The following KIF26B variants were observed in gnomAD, a reference collection of about 807,000 sequenced individuals.
The protein encoded by KIF26B is kinesin family member 26B, also known as kinesin-like protein KIF26B.
In KIF26B, 63 loss-of-function variants were observed where a neutral mutation model predicts 151.2. The observed-to-expected ratio is 0.42, with a 90% CI of 0.34 to 0.51. The LOEUF (loss-of-function observed/expected upper bound fraction) is 0.51. Ranked by LOEUF, KIF26B falls within the 20% of genes least tolerant of loss-of-function variation. The probability of loss-of-function intolerance (pLI) is 0.07; values close to 1 mark genes in which losing one functional copy is unlikely to be tolerated. For missense variants in KIF26B, 2,813 were observed against 2,913.6 expected (o/e 0.97, Z 0.79); for synonymous variants, 1,357 against 1,262.1 (o/e 1.08, Z -1.59).
Position 245,619,126 on chromosome 1 carries a change from C to T in KIF26B, c.2098+7150C>T, listed in dbSNP as rs925091644. ...CACAGTGCTGGGGCTGTGTCTGCTGCGTGCTGTTGGTGAGCTTGTCCAAGC... is the reference window on the plus strand; with the variant it reads ...CACAGTGCTGGGGCTGTGTCTGCTGTGTGCTGTTGGTGAGCTTGTCCAAGC... On this transcript the variant is annotated intron_variant, in intron 9 of 14. Transcript: ENST00000407071. Among the ~76,000 whole-genome samples the T allele has an allele frequency of 3.6e-5, 5 of 139,136 alleles. No individual in the cohort carries two copies. In the Admixed American group the frequency reaches 3.7e-4, roughly 10 times the overall value. The allele number at this position is 139,136 out of a possible 152,430, so 91.3% of individuals were successfully genotyped here. A position where few individuals can be genotyped will look rare whatever the true frequency, so the allele number is the denominator to read the frequency against.
At position 245,375,255 on chromosome 1, in the gene KIF26B, T is replaced by G. The variant is rs1673246295; in HGVS notation, c.999+7888T>G. On this transcript the variant is annotated intron_variant, in intron 3 of 14. Coordinates refer to ENST00000407071, the MANE Select transcript of KIF26B (RefSeq NM_018012.4). This position sits in a 1 kb window ranked among gnomAD's most constrained non-coding sequence, Gnocchi z 4.2. ...CCATGTCCGGCTAATTTTTGTATTT[T>G]TAGTAGAGATGAGGTTTCACCATGT... is the stretch of plus-strand genomic sequence containing the variant. 6.6e-6 allele frequency among the ~76,000 whole-genome samples: 1 copy of G among 152,102 alleles called. No homozygotes were observed. Among genetic ancestry groups the G allele is most frequent in the East Asian group, 1.9e-4 (1 of 5,184 alleles).
chr1:245,192,045 A>G (rs1669118932), intron 2 of KIF26B, among the ~76,000 whole-genome samples: 1 of 152,176 alleles, frequency 6.6e-6, no homozygotes, highest in South Asian at 2.1e-4. Flanking sequence ...CTGGGAATCT[A>G]TCTTAAGGGG....
intron 4 of KIF26B, among the ~76,000 whole-genome samples, chr1:245,532,180 G>T (rs959405522): frequency 6.6e-6 from 1 of 151,824 alleles, no homozygotes; most frequent in African/African-American, 2.4e-5. Context: ...CACTGATGAG[G>T]GCAACTTCTA....
At chr1:245,201,922 G>C (rs149282706) in intron 2 of KIF26B, among the ~76,000 whole-genome samples, 40 of 152,288 alleles carry the variant, frequency 2.6e-4, no homozygotes, top group African/African-American at 9.4e-4. Context: ...TTTATTTCCT[G>C]TTGGGGTTTT....
chr1:245,290,332 G>T (rs1671235392), intron 2 of KIF26B, among the ~76,000 whole-genome samples: 1 of 152,214 alleles, frequency 6.6e-6, no homozygotes. Flanking sequence ...ATGCAAGAAA[G>T]AATTCTAGAT....
intron 10 of KIF26B, among the ~76,000 whole-genome samples, chr1:245,663,984 T>C (rs561090297): frequency 6.6e-6 from 1 of 152,354 alleles, no homozygotes; most frequent in East Asian, 1.9e-4. Flanking sequence ...TCTGCTTATT[T>C]ATCTTGAGTT....
intron 4 of KIF26B, among the ~76,000 whole-genome samples, chr1:245,448,467 C>G (rs1659297940): frequency 6.6e-6 from 1 of 152,192 alleles, no homozygotes; most frequent in Non-Finnish European, 1.5e-5. Context: ...ACCTGGGCCT[C>G]CCAAAGTGCT....
rs1440255617 is a variant in KIF26B, at chr1:245,563,285, ACT to A, written c.1350+22336_1350+22337del. ...CTGTTTCCACCCATTTCCCTTATTC[ACT>A]AAACAACCCGTTTCCACCCATTTCT... On this transcript the variant is annotated intron_variant, in intron 5 of 14. Coordinates refer to ENST00000407071, the MANE Select transcript of KIF26B (RefSeq NM_018012.4). The surrounding 1 kb of genome is among the most constrained non-coding windows in gnomAD (Gnocchi z 4.6). Among the ~76,000 whole-genome samples, 1 of 152,052 alleles carries A rather than the reference ACT, an allele frequency of 6.6e-6. No individual in the cohort carries two copies. Among genetic ancestry groups the A allele is most frequent in the African/African-American group, 2.4e-5 (1 of 41,388 alleles).
rs1672989252 is a variant in KIF26B, at chr1:245,367,425, T to C, written c.999+58T>C. The stretch of plus-strand genomic sequence containing the variant: ...GCTGGCTGGAGTCAAAGCGGAGAAG[T>C]AGGCAGCACTTCCTTCCGCTGCCTC... On this transcript the variant is annotated intron_variant, in intron 3 of 14. Transcript: ENST00000407071. The surrounding 1 kb of genome is among the most constrained non-coding windows in gnomAD (Gnocchi z 4.2). 4.9e-6 allele frequency: 7 copies of C among 1,435,278 alleles called. No homozygotes were observed. Among genetic ancestry groups the C allele is most frequent in the South Asian group, 1.3e-5 (1 of 75,554 alleles). 88.9% of individuals were successfully genotyped at this position (1,435,278 alleles called of 1,614,324 possible).
At chr1:245,337,134 TTTTATTTATTTATTTATTTATTTATTTA>T (rs59391704) in intron 2 of KIF26B, among the ~76,000 whole-genome samples, 1 of 148,138 alleles carries the variant, frequency 6.8e-6, no homozygotes, top group African/African-American at 2.5e-5. Flanking sequence ...CATTTAGAAG[TTTTATTTATTTATTTATTTATTTATTTA>T]TTTATTTATT....
At chr1:245,533,860 C>T (rs2103098604) in intron 4 of KIF26B, among the ~76,000 whole-genome samples, 1 of 152,072 alleles carries the variant, frequency 6.6e-6, no homozygotes, top group South Asian at 2.1e-4. Context: ...ACTTTCCCTG[C>T]ACTTAAAGCC....
At chr1:245,429,061 C>A (rs1658715002) in intron 4 of KIF26B, among the ~76,000 whole-genome samples, 1 of 152,170 alleles carries the variant, frequency 6.6e-6, no homozygotes, top group Non-Finnish European at 1.5e-5. Context: ...GGCTTGAATT[C>A]TCAGCCAGAC....
rs1425204774 is a variant in KIF26B at position 245,244,628 on chromosome 1, CCT to C, written c.465+87946_465+87947del. 6.6e-6 allele frequency among the ~76,000 whole-genome samples: 1 copy of C among 152,046 alleles called. No individual in the cohort carries two copies. The highest frequency in any genetic ancestry group is 2.4e-5 in the African/African-American group (1 of 41,392). ...GAAATGGCAAGAGACCCTCCCCTCC[CCT>C]GACTTCCAATGTGACACCCGTCTTC... On this transcript the variant is annotated intron_variant, in intron 2 of 14. Coordinates refer to ENST00000407071, the MANE Select transcript of KIF26B (RefSeq NM_018012.4). This position sits in a 1 kb window ranked among gnomAD's most constrained non-coding sequence, Gnocchi z 4.2.
intron 2 of KIF26B, among the ~76,000 whole-genome samples, chr1:245,209,263 T>C (rs1352975731): frequency 6.6e-6 from 1 of 152,114 alleles, no homozygotes; most frequent in Non-Finnish European, 1.5e-5. Context: ...TAGTTGGGCA[T>C]GGTGGTGTAC....
chr1:245,197,272 T>C (rs1669212569), intron 2 of KIF26B, among the ~76,000 whole-genome samples: 1 of 152,148 alleles, frequency 6.6e-6, no homozygotes, highest in Non-Finnish European at 1.5e-5. Flanking sequence ...AGGAGAACAA[T>C]TATTATTTTT....
intron 5 of KIF26B, among the ~76,000 whole-genome samples, chr1:245,552,122 G>GGTGTGTGTGTGTGTGT (rs55650522): frequency 1.5e-5 from 2 of 131,610 alleles, no homozygotes; most frequent in Non-Finnish European, 3.2e-5. Context: ...GAACCAGCAG[G>GGTGTGTGTGTGTGTGT]GTGTGTGTGT....
chr1:245,519,103 A>T (rs1661031675), intron 4 of KIF26B, among the ~76,000 whole-genome samples: 1 of 152,354 alleles, frequency 6.6e-6, no homozygotes, highest in East Asian at 1.9e-4. Context: ...AATGAGAGTT[A>T]TTAGAGTTCA....
chr1:245,202,110 A>T, intron 2 of KIF26B, among the ~76,000 whole-genome samples: 1 of 152,186 alleles, frequency 6.6e-6, no homozygotes, highest in East Asian at 1.9e-4. Context: ...GGACTTGGCC[A>T]TTTGTACCAC....
At chr1:245,434,689 G>A (rs960444062) in intron 4 of KIF26B, among the ~76,000 whole-genome samples, 3 of 152,098 alleles carry the variant, frequency 2.0e-5, no homozygotes, top group African/African-American at 4.8e-5. Context: ...AGGAGTTGGT[G>A]GATAAACACC....
Sources: allele counts gnomAD v4.1 joint callset (sites outside exome capture counted in the v4.1 genomes callset), GRCh38; gene constraint gnomAD v4.1.1; non-coding constraint Gnocchi (gnomAD v3.1); transcripts MANE v1.5; gene names NCBI Gene and HGNC (gene_info 2026-07-23, HGNC 2026-07-21).